The following BCAP31 variants were observed in gnomAD, a reference collection of about 807,000 sequenced individuals.
BCAP31 encodes the protein B-cell receptor-associated protein 31.
For synonymous variants in BCAP31, 75 were observed against 80.9 expected (o/e 0.93, Z 0.39); for missense variants, 124 against 193.0 (o/e 0.64, Z 2.12).
Position 153,702,073 on chromosome X carries a change from C to T in BCAP31, c.636G>A (p.Met212Ile). ...TGGTGAGGCCCTCAGACTGCTTCCG[C>T]ATGGCCAGAACCTGGTTTTCAGCTT... ...LEKAENQVLA[M>I]RKQSEGLTKE... The change falls in exon 7 of 8, where the codon ATG (methionine) becomes ATA (isoleucine). Residue 212 changes from methionine (M) to isoleucine (I), a missense_variant. Physicochemically the swap from Met to Ile is conservative, Grantham distance 10. Coordinates refer to ENST00000345046, the MANE Select transcript of BCAP31 (RefSeq NM_001256447.2). 8.3e-7 allele frequency: 1 copy of T among 1,211,008 alleles called. No individual in the cohort carries two copies. The highest frequency in any genetic ancestry group is 1.1e-6 in the Non-Finnish European group (1 of 894,763).
chrX:153,715,477 G>T, intron 4 of BCAP31, 65 bp downstream of exon 4: 1 of 1,174,509 alleles, frequency 8.5e-7, no homozygotes, highest in Admixed American at 2.2e-5. Flanking sequence ...AGCCCACTGA[G>T]CTCGGTGTCC....
rs184250805 is a variant in BCAP31 at position 153,701,308 on chromosome X, C to A, written c.703-333G>T. ...TCAGACCCTTCCCAACTCTGCACAC[C>A]TTTGACAGGTGCCCTCGAAGCCCAT... On this transcript the variant is annotated intron_variant, in intron 7 of 7. Coordinates refer to ENST00000345046, the MANE Select transcript of BCAP31 (RefSeq NM_001256447.2). Among the ~76,000 whole-genome samples the A allele has an allele frequency of 7.1e-5, 8 of 112,568 alleles. No individual in the cohort carries two copies. In the East Asian group the frequency reaches 2.2e-3, roughly 32 times the overall value.
chrX:153,714,727 T>A (rs906439347), intron 4 of BCAP31, among the ~76,000 whole-genome samples: 1 of 111,030 alleles, frequency 9.0e-6, no homozygotes, highest in African/African-American at 3.3e-5. Flanking sequence ...ATGGTCTGAG[T>A]GCCCTTCAAA....
At chrX:153,721,020 C>T (rs377055713) in intron 2 of BCAP31, 48 bp from the exon 3 acceptor site, 5 of 1,104,569 alleles carry the variant, frequency 4.5e-6, no homozygotes, top group South Asian at 1.9e-5. Flanking sequence ...AGCACACACA[C>T]GAGCTCTAGG....
At position 153,715,469 on chromosome X, in the gene BCAP31, C is replaced by T. The variant is rs929806284; in HGVS notation, c.341+73G>A. 8.7e-6 allele frequency: 10 copies of T among 1,152,433 alleles called. No individual in the cohort carries two copies. In the South Asian group the frequency reaches 1.8e-4, roughly 21 times the overall value. The allele number at this position is 1,152,433 out of a possible 1,213,427, so 95.0% of individuals were successfully genotyped here. On this transcript the variant is annotated intron_variant, in intron 4 of 7. Transcript: ENST00000345046. ...TCAAAGTCACAGGGGGGAGACTGAG[C>T]CCACTGAGCTCGGTGTCCATGGCTA...
intron 4 of BCAP31, among the ~76,000 whole-genome samples, chrX:153,706,067 C>A (rs1222196693): frequency 8.9e-6 from 1 of 111,740 alleles, no homozygotes; most frequent in East Asian, 2.8e-4. Flanking sequence ...CTGTGTGTGT[C>A]CGAAAGCCTG....
intron 4 of BCAP31, among the ~76,000 whole-genome samples, chrX:153,714,584 G>A (rs964181622): frequency 9.0e-6 from 1 of 110,747 alleles, no homozygotes; most frequent in South Asian, 3.9e-4. Flanking sequence ...AGTAGTCATC[G>A]TAGCGCCTAG....
intron 5 of BCAP31, 128 bp from the exon 6 acceptor site, chrX:153,703,186 C>T (rs1262985692): frequency 1.6e-5 from 15 of 964,579 alleles, no homozygotes; most frequent in East Asian, 1.3e-4. Flanking sequence ...AATGTCAACG[C>T]GGAACCGAGC....
rs782083125 is a variant in BCAP31 at position 153,702,107 on chromosome X, T to C, written c.602A>G (p.Lys201Arg). Reference protein sequence around the residue: ...LKDELASTKQKLEKAENQVLA... With the variant: ...LKDELASTKQRLEKAENQVLA... ...AACCTGGTTTTCAGCTTTCTCTAGT[T>C]CTTGAAATGATGTAAATGACCAAGA... The change falls in exon 7 of 8, where the codon AAA (lysine) becomes AGA (arginine). Residue 201 changes from lysine (K) to arginine (R), a missense_variant and splice_region_variant. Coordinates refer to ENST00000345046, the MANE Select transcript of BCAP31 (RefSeq NM_001256447.2). The C allele has an allele frequency of 8.4e-7, 1 of 1,196,546 alleles. No individual in the cohort carries two copies. The highest frequency in any genetic ancestry group is 1.8e-5 in the South Asian group (1 of 55,423).
chrX:153,707,610 T>A (rs2091563656), intron 4 of BCAP31, among the ~76,000 whole-genome samples: 1 of 109,490 alleles, frequency 9.1e-6, no homozygotes. Context: ...AAGACAGGAG[T>A]GGGAAGGCGC....
At chrX:153,723,397 A>G in intron 1 of BCAP31, 109 bp from the exon 2 acceptor site, 1 of 1,128,158 alleles carries the variant, frequency 8.9e-7, no homozygotes, top group Non-Finnish European at 1.2e-6. Flanking sequence ...GACCCCCTGC[A>G]CTTTGCTTCA....
At chrX:153,715,162 C>G (rs1283114181) in intron 4 of BCAP31, among the ~76,000 whole-genome samples, 1 of 111,892 alleles carries the variant, frequency 8.9e-6, no homozygotes, top group African/African-American at 3.2e-5. Context: ...GTCAACACCC[C>G]GGACACAAAG....
chrX:153,719,290 T>C (rs1009358421), intron 3 of BCAP31, among the ~76,000 whole-genome samples: 7 of 109,965 alleles, frequency 6.4e-5, no homozygotes, highest in Non-Finnish European at 9.5e-5. Flanking sequence ...AAAACACACA[T>C]GCTCAGTTCA....
intron 4 of BCAP31, among the ~76,000 whole-genome samples, chrX:153,713,121 GGC>G (rs781988530): frequency 2.7e-5 from 3 of 111,268 alleles, no homozygotes; most frequent in Non-Finnish European, 3.8e-5. Context: ...ACAGGAGAAT[GGC>G]GTGAACCCGG....
chrX:153,706,018 T>TAGGCCAG (rs1399530491), intron 4 of BCAP31, among the ~76,000 whole-genome samples: 1 of 111,853 alleles, frequency 8.9e-6, no homozygotes, highest in Non-Finnish European at 1.9e-5. Flanking sequence ...GCTTCCAAGA[T>TAGGCCAG]AGGCCAGGGC....
chrX:153,716,861 G>A (rs1557050203), intron 3 of BCAP31, among the ~76,000 whole-genome samples: 2 of 112,450 alleles, frequency 1.8e-5, no homozygotes, highest in African/African-American at 6.5e-5. Context: ...GCTTTACAAT[G>A]GGTTTTATTA....
At chrX:153,707,390 G>A (rs1162631303) in intron 4 of BCAP31, among the ~76,000 whole-genome samples, 3 of 110,531 alleles carry the variant, frequency 2.7e-5, no homozygotes, top group African/African-American at 9.9e-5. Context: ...AAAAGGGGGG[G>A]AGGGCGCGGG....
chrX:153,701,709 T>C (rs1358014874), intron 7 of BCAP31, among the ~76,000 whole-genome samples: 5 of 113,108 alleles, frequency 4.4e-5, no homozygotes, highest in Admixed American at 3.7e-4. Flanking sequence ...ACCTGCTTCT[T>C]TGTTCTTGAC....
intron 4 of BCAP31, among the ~76,000 whole-genome samples, chrX:153,711,852 C>T (rs1320443256): frequency 9.7e-6 from 1 of 103,584 alleles, no homozygotes; most frequent in Non-Finnish European, 2.0e-5. Context: ...CTGCAGTAAG[C>T]CAAGACTGTG....
Sources: allele counts gnomAD v4.1 joint callset (sites outside exome capture counted in the v4.1 genomes callset), GRCh38; gene constraint gnomAD v4.1.1; transcripts MANE v1.5; gene names NCBI Gene and HGNC (gene_info 2026-07-23, HGNC 2026-07-21).